Variants in PCSK5 observed in about 807,000 individuals in gnomAD.
PCSK5 encodes prohormone convertase 5.
Under a neutral mutation model 233.2 loss-of-function variants are expected in PCSK5, and 129 were observed. That is an observed-to-expected ratio of 0.55 (90% CI 0.48 to 0.64). PCSK5 has a LOEUF of 0.64. PCSK5 is among the 30% of genes least tolerant of loss of function. The pLI, the probability that PCSK5 is intolerant of heterozygous loss-of-function variation, is 0.00. For missense variants in PCSK5, 2,076 were observed against 2,430.1 expected, an observed-to-expected ratio of 0.85 and a Z score of 3.06; for synonymous variants, 825 against 879.2, an observed-to-expected ratio of 0.94 and a Z score of 1.09.
At chr9:76,320,292 T>C (rs1305881640) in intron 30 of PCSK5, among the ~76,000 whole-genome samples, 1 of 151,568 alleles carries the variant, frequency 6.6e-6, no homozygotes, top group Non-Finnish European at 1.5e-5. Context: ...TAGCCAGGCA[T>C]GGTGGCACGC....
chr9:75,940,372 C>G (rs1243581373), intron 2 of PCSK5, among the ~76,000 whole-genome samples: 1 of 152,194 alleles, frequency 6.6e-6, no homozygotes. Flanking sequence ...AAGTTCAAGT[C>G]TTTAGCTTCC....
At chr9:76,182,917 T>C (rs1823936454) in intron 16 of PCSK5, among the ~76,000 whole-genome samples, 1 of 152,196 alleles carries the variant, frequency 6.6e-6, no homozygotes. Flanking sequence ...TCTTAAGAAG[T>C]GAAATTCTCT....
intron 20 of PCSK5, among the ~76,000 whole-genome samples, chr9:76,190,332 ATTTT>A (rs3077112): frequency 8.1e-4 from 119 of 146,122 alleles, no homozygotes; most frequent in African/African-American, 2.8e-3. Flanking sequence ...CCCACTACTG[ATTTT>A]TTTTTTTTTT....
At chr9:75,994,940 C>A (rs1244708641) in intron 3 of PCSK5, among the ~76,000 whole-genome samples, 1 of 152,224 alleles carries the variant, frequency 6.6e-6, no homozygotes, top group African/African-American at 2.4e-5. Flanking sequence ...GTTCTCTGCT[C>A]ACCTCTCCAA....
At chr9:76,017,738 TTGTGTG>T (rs779669788) in intron 3 of PCSK5, among the ~76,000 whole-genome samples, 1 of 151,848 alleles carries the variant, frequency 6.6e-6, no homozygotes, top group Non-Finnish European at 1.5e-5. Context: ...CTGGGGGCAA[TTGTGTG>T]TGTGTATGTG....
intron 2 of PCSK5, among the ~76,000 whole-genome samples, chr9:75,942,952 T>C (rs1406472166): frequency 1.3e-5 from 2 of 150,700 alleles, no homozygotes; most frequent in East Asian, 2.0e-4. Flanking sequence ...TGGCGCGATC[T>C]TGGCTCACTG....
intron 2 of PCSK5, among the ~76,000 whole-genome samples, chr9:75,964,966 G>C (rs1825511286): frequency 6.6e-6 from 1 of 152,186 alleles, no homozygotes; most frequent in Non-Finnish European, 1.5e-5. Context: ...ACCGTGAAAT[G>C]GTGGTGGAAT....
chr9:76,224,094 T>C (rs1183874656), intron 20 of PCSK5, among the ~76,000 whole-genome samples: 5 of 152,218 alleles, frequency 3.3e-5, no homozygotes, highest in Non-Finnish European at 7.3e-5. Context: ...CTGACGCTCT[T>C]ACATAAGCTT....
intron 5 of PCSK5, among the ~76,000 whole-genome samples, chr9:76,045,905 A>G (rs1180299558): frequency 1.3e-5 from 2 of 152,044 alleles, no homozygotes; most frequent in East Asian, 3.9e-4. Flanking sequence ...GCAAATTCTC[A>G]CTTCTGAGAG....
At chr9:76,103,703 C>A (rs180774326) in intron 8 of PCSK5, among the ~76,000 whole-genome samples, 7 of 152,310 alleles carry the variant, frequency 4.6e-5, no homozygotes, top group Admixed American at 3.3e-4. Flanking sequence ...TCCTGAGAGA[C>A]GCTGAAAATC....
chr9:76,059,028 C>CT (rs1452969892), intron 5 of PCSK5, among the ~76,000 whole-genome samples: 2 of 152,166 alleles, frequency 1.3e-5, no homozygotes, highest in Non-Finnish European at 1.5e-5. Context: ...GTATAACAAT[C>CT]TAAGTGAATA....
chr9:76,333,532 G>A (rs1329329816), intron 34 of PCSK5, among the ~76,000 whole-genome samples: 1 of 152,144 alleles, frequency 6.6e-6, no homozygotes, highest in Non-Finnish European at 1.5e-5. Context: ...GCATTTCATG[G>A]ATAAGGACTC....
intron 30 of PCSK5, among the ~76,000 whole-genome samples, chr9:76,314,749 G>T (rs1041997060): frequency 6.6e-6 from 1 of 152,066 alleles, no homozygotes; most frequent in Admixed American, 6.6e-5. Context: ...CAATCATCCT[G>T]CCTCAGCCTC....
intron 24 of PCSK5, among the ~76,000 whole-genome samples, chr9:76,249,321 A>G (rs1431621565): frequency 1.3e-5 from 2 of 152,200 alleles, no homozygotes; most frequent in Admixed American, 1.3e-4. Flanking sequence ...TTTAGCCTCA[A>G]GATAATCACA....
chr9:76,345,577 A>C (rs1829957206), intron 35 of PCSK5, among the ~76,000 whole-genome samples: 2 of 142,482 alleles, frequency 1.4e-5, no homozygotes, highest in African/African-American at 2.6e-5. Flanking sequence ...TGCTGCCACG[A>C]CCTGCTAATT....
intron 5 of PCSK5, among the ~76,000 whole-genome samples, chr9:76,051,052 G>A (rs1829612286): frequency 6.6e-6 from 1 of 152,134 alleles, no homozygotes; most frequent in Non-Finnish European, 1.5e-5. Flanking sequence ...TGCAAAGAAG[G>A]CCACACTCCA....
intron 2 of PCSK5, among the ~76,000 whole-genome samples, chr9:75,944,557 C>T (rs1052855549): frequency 6.6e-6 from 1 of 152,084 alleles, no homozygotes; most frequent in African/African-American, 2.4e-5. Flanking sequence ...TGACTTGTTT[C>T]TTGAGAGCAC....
intron 5 of PCSK5, among the ~76,000 whole-genome samples, chr9:76,050,982 C>A (rs1301452194): frequency 6.6e-6 from 1 of 152,094 alleles, no homozygotes; most frequent in African/African-American, 2.4e-5. Flanking sequence ...ACCTTAAAAG[C>A]CCCATGCTCA....
At chr9:76,172,570 A>G (rs746739220) in intron 13 of PCSK5, among the ~76,000 whole-genome samples, 3 of 152,210 alleles carry the variant, frequency 2.0e-5, no homozygotes, top group Non-Finnish European at 4.4e-5. Context: ...TCTTCAAAGC[A>G]CTTAGAGGGT....
Sources: gnomAD v4.1 joint callset for allele counts (sites outside exome capture counted in the v4.1 genomes callset) on GRCh38, gnomAD v4.1.1 for gene constraint, MANE v1.5 for transcripts, NCBI Gene and HGNC (gene_info 2026-07-23, HGNC 2026-07-21) for gene names.